Variants in CSGALNACT2 observed in about 807,000 individuals in gnomAD.
CSGALNACT2 encodes the protein chondroitin sulfate N-acetylgalactosaminyltransferase 2.
In CSGALNACT2, 35 loss-of-function variants were observed where a neutral mutation model predicts 55.3. The ratio of observed to expected loss-of-function variants is 0.63; its 90% confidence interval spans 0.48 to 0.84. CSGALNACT2 has a LOEUF of 0.84. Among genes scored for constraint, CSGALNACT2 ranks in the 40% least tolerant of loss-of-function variants. The probability of loss-of-function intolerance (pLI) is 0.00; values close to 1 mark genes in which losing one functional copy is unlikely to be tolerated. For missense variants in CSGALNACT2, 544 were observed against 657.5 expected, an observed-to-expected ratio of 0.83 and a Z score of 1.89; for synonymous variants, 196 against 224.9, an observed-to-expected ratio of 0.87 and a Z score of 1.15.
At position 43,179,485 on chromosome 10, in the gene CSGALNACT2, C is replaced by T. The variant is rs145220461; in HGVS notation, c.1336+3453C>T. 5.0e-3 allele frequency among the ~76,000 whole-genome samples: 766 copies of T among 152,088 alleles called. 4 individuals carry two copies. The highest frequency in any genetic ancestry group is 0.017 in the African/African-American group (714 of 41,480). On this transcript the variant is annotated intron_variant, in intron 7 of 7. Coordinates refer to ENST00000374466, the MANE Select transcript of CSGALNACT2 (RefSeq NM_018590.5). ...TCCCCGACCTTTTGGCAATATGAAGCCTCTGCTGTTGCTCCTCAGGGCCTG... is the reference window on the plus strand; with the variant it reads ...TCCCCGACCTTTTGGCAATATGAAGTCTCTGCTGTTGCTCCTCAGGGCCTG...
intron 2 of CSGALNACT2, among the ~76,000 whole-genome samples, chr10:43,157,112 T>C (rs1457246951): frequency 6.6e-6 from 1 of 152,038 alleles, no homozygotes; most frequent in East Asian, 1.9e-4. Flanking sequence ...ATTATTTTTC[T>C]CAAAACTCTT....
At chr10:43,165,384 G>A (rs936805565) in intron 5 of CSGALNACT2, among the ~76,000 whole-genome samples, 1 of 150,894 alleles carries the variant, frequency 6.6e-6, no homozygotes, top group African/African-American at 2.4e-5. Flanking sequence ...AAAAAAAAAA[G>A]GTTAATTATG....
chr10:43,183,821 ATG>A lies in CSGALNACT2; in HGVS notation c.*281_*282del, dbSNP rs1466756193. On this transcript the variant is annotated 3_prime_UTR_variant, in exon 8 of 8. Coordinates refer to ENST00000374466, the MANE Select transcript of CSGALNACT2 (RefSeq NM_018590.5). ...TTTGAGTTAGTTCTACCTGGTGCCCATGTTCTGATTGTGTGTGGGATTGCATG... is the reference window on the plus strand; with the variant it reads ...TTTGAGTTAGTTCTACCTGGTGCCCATTCTGATTGTGTGTGGGATTGCATG... 10 of 427,632 alleles carry A rather than the reference ATG, an allele frequency of 2.3e-5. No individual in the cohort carries two copies. Among genetic ancestry groups the A allele is most frequent in the Non-Finnish European group, 4.3e-5 (10 of 230,152 alleles). The allele number at this position is 427,632 out of a possible 1,614,324, so 26.5% of individuals were successfully genotyped here.
Position 43,151,087 on chromosome 10 carries a change from C to G in CSGALNACT2, c.-253-3810C>G, listed in dbSNP as rs374033958. Among the ~76,000 whole-genome samples, 4 of 152,164 alleles carry G rather than the reference C, an allele frequency of 2.6e-5. No individual in the cohort carries two copies. In the East Asian group the frequency reaches 5.8e-4, roughly 22 times the overall value. ...TCATACCTCTACTTAAATTTTTGAA[C>G]ATAAACATCATTTTAAAAATACAGT... On this transcript the variant is annotated intron_variant, in intron 1 of 7. Transcript: ENST00000374466.
At chr10:43,165,810 T>G (rs1839253830) in intron 5 of CSGALNACT2, among the ~76,000 whole-genome samples, 2 of 152,110 alleles carry the variant, frequency 1.3e-5, no homozygotes, top group Non-Finnish European at 2.9e-5. Context: ...GCCAACATGG[T>G]GAAACCCCAT....
chr10:43,172,779 A>C (rs1839407625), intron 6 of CSGALNACT2, among the ~76,000 whole-genome samples: 1 of 152,226 alleles, frequency 6.6e-6, no homozygotes, highest in Non-Finnish European at 1.5e-5. Flanking sequence ...TGGATCATTA[A>C]AACAGACTGA....
At chr10:43,140,588 GA>G (rs1209522638) in intron 1 of CSGALNACT2, among the ~76,000 whole-genome samples, 3 of 152,200 alleles carry the variant, frequency 2.0e-5, no homozygotes, top group Admixed American at 6.5e-5. Flanking sequence ...ATCTGACTCT[GA>G]AGTTTAGCAT....
intron 1 of CSGALNACT2, among the ~76,000 whole-genome samples, chr10:43,144,204 T>C (rs1838692296): frequency 6.6e-6 from 1 of 152,242 alleles, no homozygotes; most frequent in Non-Finnish European, 1.5e-5. Flanking sequence ...ATTATATCTT[T>C]CAGAGGGCAG....
chr10:43,182,390 C>A (rs1000512259), intron 7 of CSGALNACT2, among the ~76,000 whole-genome samples: 1 of 152,188 alleles, frequency 6.6e-6, no homozygotes, highest in Non-Finnish European at 1.5e-5. Flanking sequence ...CTCTATTTAA[C>A]CTCTAGAAAT....
Position 43,158,918 on chromosome 10 carries a change from A to C in CSGALNACT2, c.865A>C (p.Met289Leu). The C allele has an allele frequency of 1.4e-5, 23 of 1,600,768 alleles. No individual in the cohort carries two copies. Among genetic ancestry groups the C allele is most frequent in the Non-Finnish European group, 1.9e-5 (22 of 1,168,510 alleles). Residue 289 changes from methionine (M) to leucine (L), a missense_variant, in exon 3 of 8, where the codon ATG (methionine) becomes CTG (leucine). Met to Leu is a conservative substitution (Grantham distance 15). Coordinates refer to ENST00000374466, the MANE Select transcript of CSGALNACT2 (RefSeq NM_018590.5). ...AERTEAFVQF[M>L]QNFRDVCIHQ... ...AAGAACTGAAGCATTTGTACAATTTATGCAGAACTTCAGGTAACTGTCAGG... is the reference window on the plus strand; with the variant it reads ...AAGAACTGAAGCATTTGTACAATTTCTGCAGAACTTCAGGTAACTGTCAGG...
intron 1 of CSGALNACT2, among the ~76,000 whole-genome samples, chr10:43,152,842 G>A (rs1364214519): frequency 2.0e-5 from 3 of 152,076 alleles, no homozygotes; most frequent in Non-Finnish European, 4.4e-5. Flanking sequence ...AAATGGGCTA[G>A]TAATAGTTAA....
rs974877559 is a variant in CSGALNACT2, at chr10:43,158,768, A to G, written c.715A>G (p.Lys239Glu). 1.2e-6 allele frequency: 2 copies of G among 1,612,938 alleles called. No homozygotes were observed. The highest frequency in any genetic ancestry group is 1.7e-6 in the Non-Finnish European group (2 of 1,179,080). The stretch of plus-strand genomic sequence containing the variant: ...CACACAGTATGAACTCTTTTTTAAG[A>G]AAGCAGACCTTACGGAATATAGACA... ...KGTQYELFFK[K>E]ADLTEYRHVT... Residue 239 changes from lysine to glutamate, a missense_variant, in exon 3 of 8, where the codon AAA becomes GAA. Coordinates refer to ENST00000374466, the MANE Select transcript of CSGALNACT2 (RefSeq NM_018590.5).
At chr10:43,179,883 C>G (rs1839557049) in intron 7 of CSGALNACT2, among the ~76,000 whole-genome samples, 1 of 152,298 alleles carries the variant, frequency 6.6e-6, no homozygotes, top group East Asian at 1.9e-4. Context: ...TGGAACTTCT[C>G]TAAACTCTGA....
At chr10:43,146,730 CTT>C (rs59606270) in intron 1 of CSGALNACT2, among the ~76,000 whole-genome samples, 17 of 142,712 alleles carry the variant, frequency 1.2e-4, no homozygotes, top group Non-Finnish European at 1.2e-4. Flanking sequence ...AAGATGCTGT[CTT>C]TTTTTTTTTT....
intron 1 of CSGALNACT2, among the ~76,000 whole-genome samples, chr10:43,147,108 T>C (rs1400508862): frequency 6.9e-6 from 1 of 145,532 alleles, no homozygotes; most frequent in Non-Finnish European, 1.5e-5. Flanking sequence ...CCCAAGTAGC[T>C]GGGACTACAG....
chr10:43,150,793 T>C (rs1220048565), intron 1 of CSGALNACT2, among the ~76,000 whole-genome samples: 1 of 152,216 alleles, frequency 6.6e-6, no homozygotes, highest in African/African-American at 2.4e-5. Context: ...TTTAAGTATT[T>C]CTCCTGACTC....
At position 43,163,713 on chromosome 10, in the gene CSGALNACT2, A is replaced by G. The variant is rs1315048698; in HGVS notation, c.981-153A>G. 3.0e-6 allele frequency: 3 copies of G among 985,142 alleles called. No homozygotes were observed. In the African/African-American group the frequency reaches 5.2e-5, roughly 17 times the overall value. The allele number at this position is 985,142 out of a possible 1,614,324, so 61.0% of individuals were successfully genotyped here. On this transcript the variant is annotated intron_variant, in intron 4 of 7. Coordinates refer to ENST00000374466, the MANE Select transcript of CSGALNACT2 (RefSeq NM_018590.5). The stretch of plus-strand genomic sequence containing the variant: ...TATCTCTCCCTGATGATAATCATAC[A>G]CATGAAGCTGGGATTTTCTTTCCCT...
At position 43,155,091 on chromosome 10, in the gene CSGALNACT2, T is replaced by C; in HGVS notation, c.-59T>C. 4.6e-6 allele frequency: 6 copies of C among 1,306,572 alleles called. No individual in the cohort carries two copies. Among genetic ancestry groups the C allele is most frequent in the Non-Finnish European group, 4.3e-6 (4 of 937,602 alleles). The allele number at this position is 1,306,572 out of a possible 1,614,324, so 80.9% of individuals were successfully genotyped here. ...TTGTTTTTAATTTTTGATAACTTTT[T>C]ACTAAAGGTATGAACACACAAAGAG... On this transcript the variant is annotated 5_prime_UTR_variant, in exon 2 of 8. Transcript: ENST00000374466.
chr10:43,167,539 C>T (rs1401405047), intron 6 of CSGALNACT2, among the ~76,000 whole-genome samples: 1 of 152,052 alleles, frequency 6.6e-6, no homozygotes, highest in African/African-American at 2.4e-5. Flanking sequence ...ACAGTTATTG[C>T]CAAAGCTAAT....
Sources: allele counts gnomAD v4.1 joint callset (sites outside exome capture counted in the v4.1 genomes callset), GRCh38; gene constraint gnomAD v4.1.1; transcripts MANE v1.5; gene names NCBI Gene and HGNC (gene_info 2026-07-23, HGNC 2026-07-21).